Variants in PLA2G5 observed in about 807,000 individuals in gnomAD.
The protein encoded by PLA2G5 is phospholipase A2 group V, also known as Ca2+-dependent phospholipase A2.
A neutral mutation model predicts 15.9 loss-of-function variants in PLA2G5; 12 were observed. The observed-to-expected ratio is 0.76, with a 90% CI of 0.48 to 1.23. The LOEUF (loss-of-function observed/expected upper bound fraction) is 1.23. PLA2G5 is among the 50% of genes most tolerant of loss of function. The pLI is 0.00. For synonymous variants in PLA2G5, 71 were observed against 71.4 expected, an observed-to-expected ratio of 0.99 and a Z score of 0.03; for missense variants, 169 against 177.1, an observed-to-expected ratio of 0.95 and a Z score of 0.26.
chr1:20,049,791 T>C (rs572681986), intron 1 of PLA2G5, among the ~76,000 whole-genome samples: 23 of 152,302 alleles, frequency 1.5e-4, no homozygotes, highest in Admixed American at 1.3e-4. Context: ...ATTGCCAGCA[T>C]GAGAACAGAT....
intron 1 of PLA2G5, among the ~76,000 whole-genome samples, chr1:20,084,085 T>G (rs1267682838): frequency 6.6e-6 from 1 of 151,946 alleles, no homozygotes; most frequent in African/African-American, 2.4e-5. Context: ...TATGTGAATA[T>G]AGATATAAAG....
At chr1:20,066,411 T>C (rs913017186), upstream of PLA2G5, among the ~76,000 whole-genome samples, 7 of 152,232 alleles carry the variant, frequency 4.6e-5, 1 homozygote, top group Admixed American at 3.3e-4. Flanking sequence ...TTTAATAAAG[T>C]CCAACTTAAC....
intron 1 of PLA2G5, among the ~76,000 whole-genome samples, chr1:20,029,296 C>T (rs2012753481): frequency 6.6e-6 from 1 of 152,108 alleles, no homozygotes; most frequent in Admixed American, 6.5e-5. Context: ...CATGCTATTG[C>T]CTGTTGGTGC....
chr1:20,047,059 C>A (rs1245505126), intron 1 of PLA2G5, among the ~76,000 whole-genome samples: 5 of 152,112 alleles, frequency 3.3e-5, no homozygotes, highest in Non-Finnish European at 7.4e-5. Flanking sequence ...TAACCAGGGG[C>A]CTTGTGGGAG....
At chr1:20,028,505 GTTGA>G (rs144639949) in exon 1 of PLA2G5, 5,825 of 152,288 alleles carry the variant, frequency 0.038, 163 homozygotes, top group Middle Eastern at 0.12. Context: ...GAGGGGCGTT[GTTGA>G]TTATCTGGCT....
chr1:20,080,799 A>G (rs911257555), intron 1 of PLA2G5, among the ~76,000 whole-genome samples: 6 of 151,790 alleles, frequency 4.0e-5, no homozygotes, highest in African/African-American at 1.2e-4. Context: ...AAAAGGTCTC[A>G]CTGGTGAGGA....
At chr1:20,062,992 A>G (rs1159097156) in intron 2 of PLA2G5, among the ~76,000 whole-genome samples, 1 of 152,100 alleles carries the variant, frequency 6.6e-6, no homozygotes, top group East Asian at 1.9e-4. Flanking sequence ...AGATCCATGG[A>G]CGTGGGGAAG....
chr1:20,088,914 C>T (rs1186317836), intron 3 of PLA2G5: 8 of 152,162 alleles, frequency 5.3e-5, no homozygotes, highest in Non-Finnish European at 1.2e-4. Context: ...GATTCTCCCA[C>T]CTCAGCCTCC....
At chr1:20,043,146 G>A (rs751192321) in intron 1 of PLA2G5, among the ~76,000 whole-genome samples, 1 of 152,052 alleles carries the variant, frequency 6.6e-6, no homozygotes, top group African/African-American at 2.4e-5. Flanking sequence ...GGGTGTAGGG[G>A]AATAATGGAA....
At chr1:20,039,252 T>C (rs2013453062) in intron 1 of PLA2G5, among the ~76,000 whole-genome samples, 1 of 152,208 alleles carries the variant, frequency 6.6e-6, no homozygotes, top group South Asian at 2.1e-4. Flanking sequence ...GTTTATCTTA[T>C]AATGAGGGTC....
At chr1:20,073,903 T>C (rs569223880) in intron 1 of PLA2G5, among the ~76,000 whole-genome samples, 1 of 152,112 alleles carries the variant, frequency 6.6e-6, no homozygotes, top group South Asian at 2.1e-4. Context: ...GGCCCTCTGC[T>C]ACCTGCTAAT....
intron 1 of PLA2G5, among the ~76,000 whole-genome samples, chr1:20,082,517 C>T (rs962604059): frequency 1.3e-5 from 2 of 151,942 alleles, no homozygotes; most frequent in Non-Finnish European, 2.9e-5. Flanking sequence ...TGCTGATCAC[C>T]TGCTTCAGGT....
At chr1:20,074,027 C>T (rs11573208) in intron 1 of PLA2G5, among the ~76,000 whole-genome samples, 22 of 152,210 alleles carry the variant, frequency 1.4e-4, no homozygotes, top group African/African-American at 4.8e-5. Flanking sequence ...TTAAAGATGA[C>T]GGTCAGTGCC....
intron 1 of PLA2G5, among the ~76,000 whole-genome samples, chr1:20,029,850 A>G (rs769070944): frequency 6.6e-6 from 1 of 152,230 alleles, no homozygotes; most frequent in South Asian, 2.1e-4. Flanking sequence ...ACCAGTGTGT[A>G]TGTTCCTGAC....
Position 20,070,351 on chromosome 1 carries a change from C to A in PLA2G5, c.-125C>A, listed in dbSNP as rs1214556155. The A allele has an allele frequency of 6.1e-6, 6 of 985,524 alleles. No individual in the cohort carries two copies. Among genetic ancestry groups the A allele is most frequent in the Non-Finnish European group, 7.2e-6 (6 of 829,974 alleles). 61.0% of individuals were successfully genotyped at this position (985,524 alleles called of 1,614,324 possible). ...CCCCCGGATCCATGGTCTGTGGATACCAATGTTCCGACTGGAGACGGGGAG... is the reference window on the plus strand; with the variant it reads ...CCCCCGGATCCATGGTCTGTGGATAACAATGTTCCGACTGGAGACGGGGAG... On this transcript the variant is annotated 5_prime_UTR_variant, in exon 1 of 5. The change creates a premature stop within an existing upstream ORF in the 5' untranslated region. Transcript: ENST00000375108.
rs2014395433 is a variant in PLA2G5 at position 20,055,645 on chromosome 1, T to C, written n.277-3987T>C. Among the ~76,000 whole-genome samples the C allele has an allele frequency of 2.0e-5, 3 of 152,328 alleles. No homozygotes were observed. The South Asian group carries it at 6.2e-4, about 32-fold the overall frequency. ...TTGGAGACAGTTTCTCAGATTTCCC[T>C]GTAGATCCAACTTGTCCACCGACCC... On this transcript the variant is annotated intron_variant and non_coding_transcript_variant, in intron 1 of 6. Transcript: ENST00000460175.
upstream of PLA2G5, chr1:20,068,739 C>G (rs931871111): frequency 6.1e-6 from 2 of 327,840 alleles, no homozygotes; most frequent in South Asian, 2.6e-5. Context: ...GAGTGAGCCC[C>G]CACGCCCGGC....
intron 1 of PLA2G5, among the ~76,000 whole-genome samples, chr1:20,049,554 G>A (rs947546283): frequency 2.0e-5 from 3 of 152,070 alleles, no homozygotes; most frequent in African/African-American, 7.2e-5. Flanking sequence ...AATCATGAGG[G>A]TGGGTTTTTC....
intron 1 of PLA2G5, among the ~76,000 whole-genome samples, chr1:20,037,611 A>G (rs1255831534): frequency 6.6e-6 from 1 of 152,194 alleles, no homozygotes; most frequent in African/African-American, 2.4e-5. Flanking sequence ...CAGTGGAATT[A>G]GCTGTTATTT....
Sources: gnomAD v4.1 joint callset for allele counts (sites outside exome capture counted in the v4.1 genomes callset) on GRCh38, gnomAD v4.1.1 for gene constraint, MANE v1.5 for transcripts, NCBI Gene and HGNC (gene_info 2026-07-23, HGNC 2026-07-21) for gene names.